The following FTCDNL1 variants were observed in gnomAD, a reference collection of about 807,000 sequenced individuals.
The protein encoded by FTCDNL1 is formiminotransferase N-terminal subdomain-containing protein.
FTCDNL1 carries 11 observed loss-of-function variants against 5.9 expected under a neutral mutation model. That is an observed-to-expected ratio of 1.87 (90% CI 1.18 to 3.10). The LOEUF (loss-of-function observed/expected upper bound fraction) is 3.10, where lower values mean the gene tolerates loss of function less well. FTCDNL1 is among the 30% of genes most tolerant of loss of function. FTCDNL1 has a pLI of 0.00. For synonymous variants in FTCDNL1, 58 were observed against 24.8 expected, an observed-to-expected ratio of 2.34 and a Z score of -3.99; for missense variants, 115 against 65.5, an observed-to-expected ratio of 1.76 and a Z score of -2.61.
the FTCDNL1 span, among the ~76,000 whole-genome samples, chr2:199,674,132 G>A: frequency 1.3e-5 from 2 of 152,162 alleles, no homozygotes; most frequent in Non-Finnish European, 2.9e-5. Context: ...TGTCAGAGCA[G>A]GAGGTCACAG....
chr2:199,802,884 A>C (rs1355280524), intron 3 of FTCDNL1, among the ~76,000 whole-genome samples: 1 of 152,176 alleles, frequency 6.6e-6, no homozygotes, highest in Non-Finnish European at 1.5e-5. Context: ...TTTCAGGTAC[A>C]AAAAGGAATA....
At chr2:199,755,978 A>C (rs1337102207), downstream of FTCDNL1, among the ~76,000 whole-genome samples, 4 of 152,348 alleles carry the variant, frequency 2.6e-5, no homozygotes, top group East Asian at 5.8e-4. Context: ...CTAAAATAAA[A>C]TTAGGCTTAA....
the FTCDNL1 span, among the ~76,000 whole-genome samples, chr2:199,683,046 AC>A: frequency 6.6e-6 from 1 of 152,160 alleles, no homozygotes; most frequent in African/African-American, 2.4e-5. Context: ...TTTTTCAAAG[AC>A]TGAAGTCCCT....
At chr2:199,714,899 C>T in the FTCDNL1 span, among the ~76,000 whole-genome samples, 19 of 145,442 alleles carry the variant, frequency 1.3e-4, no homozygotes, top group Non-Finnish European at 2.5e-4. Flanking sequence ...ACAATGAGAA[C>T]ACATGGACAC....
downstream of FTCDNL1, among the ~76,000 whole-genome samples, chr2:199,808,521 A>C (rs188948948): frequency 3.9e-5 from 6 of 152,326 alleles, no homozygotes; most frequent in Middle Eastern, 0.01. Context: ...AACATTTTTC[A>C]TCTTTCCAAA....
At chr2:199,814,947 C>T (rs1487923965) in intron 4 of FTCDNL1, among the ~76,000 whole-genome samples, 1 of 152,028 alleles carries the variant, frequency 6.6e-6, no homozygotes, top group Non-Finnish European at 1.5e-5. Context: ...AAACAGAAGC[C>T]CCTGATTCCA....
chr2:199,708,699 C>G, the FTCDNL1 span, among the ~76,000 whole-genome samples: 4 of 152,094 alleles, frequency 2.6e-5, no homozygotes, highest in Middle Eastern at 3.2e-3. Flanking sequence ...GTGCCTTCAA[C>G]AAGGGTTTTC....
chr2:199,691,232 G>A, the FTCDNL1 span, among the ~76,000 whole-genome samples: 2 of 152,168 alleles, frequency 1.3e-5, no homozygotes, highest in Admixed American at 6.5e-5. Context: ...GAGTGCAATG[G>A]CACGATCTTG....
the FTCDNL1 span, among the ~76,000 whole-genome samples, chr2:199,699,734 G>T: frequency 5.6e-4 from 85 of 152,314 alleles, no homozygotes; most frequent in Non-Finnish European, 9.0e-4. Flanking sequence ...GGGATGCAAG[G>T]TTGGTTCAAC....
the FTCDNL1 span, among the ~76,000 whole-genome samples, chr2:199,736,629 A>C: frequency 6.6e-6 from 1 of 152,252 alleles, no homozygotes; most frequent in Non-Finnish European, 1.5e-5. Context: ...TAACATGCTT[A>C]GATTCAATTA....
At chr2:199,791,580 A>G (rs1363224363) in intron 3 of FTCDNL1, among the ~76,000 whole-genome samples, 1 of 152,186 alleles carries the variant, frequency 6.6e-6, no homozygotes, top group Non-Finnish European at 1.5e-5. Context: ...CCACACGTAC[A>G]ATCAAAACAA....
At chr2:199,681,206 C>T in the FTCDNL1 span, among the ~76,000 whole-genome samples, 1 of 151,906 alleles carries the variant, frequency 6.6e-6, no homozygotes, top group Admixed American at 6.6e-5. Context: ...GTAATCCCAG[C>T]ATTTTGGGAG....
the FTCDNL1 span, among the ~76,000 whole-genome samples, chr2:199,687,594 G>C: frequency 6.6e-6 from 1 of 152,274 alleles, no homozygotes; most frequent in African/African-American, 2.4e-5. Flanking sequence ...GGAGGTAGAA[G>C]TTGTAAGTGC....
chr2:199,715,922 A>G, the FTCDNL1 span, among the ~76,000 whole-genome samples: 1 of 151,640 alleles, frequency 6.6e-6, no homozygotes, highest in African/African-American at 2.4e-5. Context: ...CTGTCTTTAC[A>G]TTTTCTTTAC....
intron 3 of FTCDNL1, among the ~76,000 whole-genome samples, chr2:199,823,999 G>C (rs1463031788): frequency 6.6e-6 from 1 of 152,020 alleles, no homozygotes; most frequent in Non-Finnish European, 1.5e-5. Flanking sequence ...ATTTTTTGTA[G>C]AGACAGGGTC....
At chr2:199,819,535 A>T in intron 4 of FTCDNL1, 37 bp downstream of exon 4, 2 of 684,460 alleles carry the variant, frequency 2.9e-6, no homozygotes, top group Non-Finnish European at 5.3e-6. Context: ...TTAAAAAAAA[A>T]AAAAAAACAG....
intron 3 of FTCDNL1, among the ~76,000 whole-genome samples, chr2:199,828,649 G>T (rs1702176778): frequency 6.6e-6 from 1 of 152,110 alleles, no homozygotes; most frequent in South Asian, 2.1e-4. Flanking sequence ...GCTTTTGTTT[G>T]TTTTTATTGA....
chr2:199,758,173 T>C (rs371495497), downstream of FTCDNL1, among the ~76,000 whole-genome samples: 324 of 151,686 alleles, frequency 2.1e-3, 1 homozygote, highest in African/African-American at 7.4e-3. Context: ...GGTAACATTA[T>C]AAAATTAGGA....
chr2:199,761,621 C>A (rs953374824), intron 3 of FTCDNL1, among the ~76,000 whole-genome samples: 3 of 152,138 alleles, frequency 2.0e-5, no homozygotes, highest in East Asian at 1.9e-4. Flanking sequence ...AACCCAGGAG[C>A]CTCATGTCAT....
Sources: gnomAD v4.1 joint callset for allele counts (sites outside exome capture counted in the v4.1 genomes callset) on GRCh38, gnomAD v4.1.1 for gene constraint, MANE v1.5 for transcripts, NCBI Gene and HGNC (gene_info 2026-07-23, HGNC 2026-07-21) for gene names.